The following FBXL20 variants were observed in gnomAD, a reference collection of about 807,000 sequenced individuals.
FBXL20 encodes F-box/LRR-repeat protein 20.
Under a neutral mutation model 64.0 loss-of-function variants are expected in FBXL20, and 11 were observed. The observed-to-expected ratio is 0.17, with a 90% CI of 0.11 to 0.28. The LOEUF (loss-of-function observed/expected upper bound fraction) is 0.28. Ranked by LOEUF, FBXL20 falls within the 10% of genes least tolerant of loss-of-function variation. FBXL20 has a pLI of 1.00. For missense variants in FBXL20, 303 were observed against 526.2 expected (o/e 0.58, Z 4.15); for synonymous variants, 184 against 189.0 (o/e 0.97, Z 0.22).
chr17:39,298,913 G>T, intron 5 of FBXL20, 77 bp downstream of exon 5: 1 of 1,155,692 alleles, frequency 8.7e-7, no homozygotes, highest in South Asian at 1.3e-5. Context: ...GAATTTTAAC[G>T]ATTTTAGCCT....
At chr17:39,271,628 G>A (rs999523314) in intron 10 of FBXL20, among the ~76,000 whole-genome samples, 22 of 147,248 alleles carry the variant, frequency 1.5e-4, no homozygotes, top group South Asian at 8.5e-4. Context: ...AAAAAAAGGT[G>A]GGGGGGATTG....
rs753459925 is a variant in FBXL20 at position 39,401,440 on chromosome 17, G to C, written c.-38C>G. 4.5e-6 allele frequency: 7 copies of C among 1,567,608 alleles called. No homozygotes were observed. In the East Asian group the frequency reaches 1.7e-4, roughly 38 times the overall value. Reference sequence around the variant, plus strand: ...TGCGGCCCGGGCCGGGCGCTGCGGCGAGCGGAGTGCACAGACCGGGGGCCC... The same window carrying C: ...TGCGGCCCGGGCCGGGCGCTGCGGCCAGCGGAGTGCACAGACCGGGGGCCC... On this transcript the variant is annotated 5_prime_UTR_variant, in exon 1 of 15. Coordinates refer to ENST00000264658, the MANE Select transcript of FBXL20 (RefSeq NM_032875.3).
intron 1 of FBXL20, among the ~76,000 whole-genome samples, chr17:39,361,182 C>T (rs2047790181): frequency 2.0e-5 from 3 of 152,006 alleles, no homozygotes; most frequent in African/African-American, 7.2e-5. Flanking sequence ...CATAATGAAA[C>T]CATGGGAAGA....
At chr17:39,268,349 A>G (rs968612261) in intron 12 of FBXL20, among the ~76,000 whole-genome samples, 2 of 152,082 alleles carry the variant, frequency 1.3e-5, no homozygotes, top group African/African-American at 4.8e-5. Context: ...GTGAAATTCC[A>G]TCTCAAAAAA....
At position 39,380,659 on chromosome 17, in the gene FBXL20, A is replaced by G. The variant is rs116592627; in HGVS notation, c.42+20702T>C. 9.1e-3 allele frequency among the ~76,000 whole-genome samples: 1,385 copies of G among 152,140 alleles called. 21 individuals are homozygous for G. Among genetic ancestry groups the G allele is most frequent in the African/African-American group, 0.032 (1,308 of 41,508 alleles). The stretch of plus-strand genomic sequence containing the variant: ...CACTATCATTAACATCTGGCATATT[A>G]TTTACTCTTTTATGTTGTCAATCTC... On this transcript the variant is annotated intron_variant, in intron 1 of 14. Transcript: ENST00000264658.
intron 1 of FBXL20, among the ~76,000 whole-genome samples, chr17:39,378,283 T>A (rs553646370): frequency 2.0e-5 from 3 of 152,250 alleles, no homozygotes; most frequent in Admixed American, 1.3e-4. Flanking sequence ...AGAACTCTTA[T>A]AACCCAACAA....
chr17:39,337,587 G>A (rs1334241223), intron 2 of FBXL20, among the ~76,000 whole-genome samples: 3 of 148,126 alleles, frequency 2.0e-5, no homozygotes, highest in African/African-American at 5.0e-5. Flanking sequence ...GAGCGCCTCT[G>A]CCCGGCCGCG....
At chr17:39,327,468 A>G (rs1284907691) in intron 2 of FBXL20, among the ~76,000 whole-genome samples, 2 of 152,146 alleles carry the variant, frequency 1.3e-5, no homozygotes, top group East Asian at 1.9e-4. Context: ...ACCCTAAGGT[A>G]ATAAACTAGA....
Position 39,363,653 on chromosome 17 carries a change from T to A in FBXL20, c.43-20412A>T, listed in dbSNP as rs932893415. Among the ~76,000 whole-genome samples, 6 of 150,946 alleles carry A rather than the reference T, an allele frequency of 4.0e-5. No homozygotes were observed. The South Asian group carries it at 8.4e-4, about 21-fold the overall frequency. On this transcript the variant is annotated intron_variant, in intron 1 of 14. Transcript: ENST00000264658. ...GATGAGGCCCCTCCTCTAGAAAAAATTTTAAAAACTAGCTGGGCATGGTGA... is the reference window on the plus strand; with the variant it reads ...GATGAGGCCCCTCCTCTAGAAAAAAATTTAAAAACTAGCTGGGCATGGTGA...
At chr17:39,348,108 G>A (rs1224270774) in intron 1 of FBXL20, among the ~76,000 whole-genome samples, 2 of 145,880 alleles carry the variant, frequency 1.4e-5, no homozygotes, top group Non-Finnish European at 3.0e-5. Context: ...TTGGTAGAGA[G>A]AGAGTCTCGC....
chr17:39,367,196 A>G (rs111823951), intron 1 of FBXL20, among the ~76,000 whole-genome samples: 1 of 151,862 alleles, frequency 6.6e-6, no homozygotes, highest in Non-Finnish European at 1.5e-5. Context: ...CAGTCCTTTC[A>G]ATCTAGAAGT....
At chr17:39,371,333 A>G (rs1157007261) in intron 1 of FBXL20, among the ~76,000 whole-genome samples, 1 of 152,180 alleles carries the variant, frequency 6.6e-6, no homozygotes, top group Non-Finnish European at 1.5e-5. Flanking sequence ...TGAGCCTGTT[A>G]ATGCATAAAT....
At chr17:39,348,705 T>C (rs1167890657) in intron 1 of FBXL20, among the ~76,000 whole-genome samples, 1 of 152,188 alleles carries the variant, frequency 6.6e-6, no homozygotes, top group African/African-American at 2.4e-5. Flanking sequence ...TGTGTTTACA[T>C]GTTCTTACTT....
intron 1 of FBXL20, among the ~76,000 whole-genome samples, chr17:39,372,880 C>T (rs1354212314): frequency 1.3e-5 from 2 of 152,094 alleles, no homozygotes; most frequent in South Asian, 4.1e-4. Context: ...CCGCCTCAGC[C>T]TCCCAAAGTG....
chr17:39,402,113 G>A, upstream of FBXL20: 1 of 1,223,958 alleles, frequency 8.2e-7, no homozygotes, highest in Non-Finnish European at 1.0e-6. Context: ...TTGTTCCCCA[G>A]GATCCTGTAA....
intron 2 of FBXL20, among the ~76,000 whole-genome samples, chr17:39,307,808 T>C (rs935102793): frequency 6.6e-6 from 1 of 151,750 alleles, no homozygotes; most frequent in Non-Finnish European, 1.5e-5. Context: ...CTGTCTCTAC[T>C]AATAATACAA....
intron 2 of FBXL20, among the ~76,000 whole-genome samples, chr17:39,330,981 C>T (rs2047454794): frequency 6.6e-6 from 1 of 152,198 alleles, no homozygotes; most frequent in Non-Finnish European, 1.5e-5. Flanking sequence ...ATGCAAAGAG[C>T]TTGGGCCTCA....
intron 2 of FBXL20, among the ~76,000 whole-genome samples, chr17:39,336,772 C>T (rs957037151): frequency 4.7e-5 from 7 of 147,616 alleles, no homozygotes; most frequent in African/African-American, 1.6e-4. Flanking sequence ...TGCAGTGAGC[C>T]GAGATTGCAC....
At chr17:39,315,829 C>CAGAGAGAGAGAGAGAGAGAG (rs141728220) in intron 2 of FBXL20, among the ~76,000 whole-genome samples, 7 of 129,684 alleles carry the variant, frequency 5.4e-5, no homozygotes, top group South Asian at 2.9e-4. Context: ...GAGAGAGAGA[C>CAGAGAGAGAGAGAGAGAGAG]AGAGAGAGAG....
Sources: gnomAD v4.1 joint callset for allele counts (sites outside exome capture counted in the v4.1 genomes callset) on GRCh38, gnomAD v4.1.1 for gene constraint, MANE v1.5 for transcripts, NCBI Gene and HGNC (gene_info 2026-07-23, HGNC 2026-07-21) for gene names.